The following XPNPEP1 variants were observed in gnomAD, a reference collection of about 807,000 sequenced individuals.
XPNPEP1 encodes the protein X-prolyl aminopeptidase 1.
In XPNPEP1, 39 loss-of-function variants were observed where a neutral mutation model predicts 92.4. The observed-to-expected ratio is 0.42, with a 90% CI of 0.33 to 0.55. The LOEUF is 0.55. XPNPEP1 is among the 20% of genes least tolerant of loss of function. XPNPEP1 has a pLI of 0.08. For missense variants in XPNPEP1, 654 were observed against 856.1 expected (o/e 0.76, Z 2.95); for synonymous variants, 307 against 299.4 (o/e 1.03, Z -0.26).
rs573088651 is a variant in XPNPEP1, at chr10:109,919,590, T to C, written c.32+3812A>G. On this transcript the variant is annotated intron_variant, in intron 1 of 20. Coordinates refer to ENST00000502935, the MANE Select transcript of XPNPEP1 (RefSeq NM_020383.4). ...ATTCCTAGGTACACAATCAAGAAAA[T>C]TGAAAATATATATCCTTATAAAAAG... Among the ~76,000 whole-genome samples the C allele has an allele frequency of 1.9e-4, 29 of 152,090 alleles. 1 individual carries two copies. Among genetic ancestry groups the C allele is most frequent in the Admixed American group, 5.2e-4 (8 of 15,286 alleles).
chr10:109,886,297 C>T lies in XPNPEP1; in HGVS notation c.697G>A (p.Ala233Thr). The T allele has an allele frequency of 6.2e-7, 1 of 1,614,212 alleles. No homozygotes were observed. The highest frequency in any genetic ancestry group is 1.6e-4 in the Middle Eastern group (1 of 6,062). The change falls in exon 8 of 21, where the codon GCT (alanine) becomes ACT (threonine). Residue 233 changes from alanine to threonine, a missense_variant. Transcript: ENST00000502935. ...ACAAACCACATGACGTTCCTCTCAG[C>T]CATTTTCAACCGAAGGTCTGCAACC... ...DKVADLRLKM[A>T]ERNVMWFVVT...
In XPNPEP1 at chr10:109,893,076, C is replaced by A; in HGVS notation, c.247-1G>T. On this transcript the variant is annotated splice_acceptor_variant, in intron 3 of 20. Coordinates refer to ENST00000502935, the MANE Select transcript of XPNPEP1 (RefSeq NM_020383.4). LOFTEE classifies it high-confidence loss of function. ...AGTCACATGGAGCAATATACTCACT[C>A]TGGAAAACAAAGATGACAACAAAGT... The A allele has an allele frequency of 6.2e-7, 1 of 1,613,382 alleles. No individual in the cohort carries two copies. The highest frequency in any genetic ancestry group is 1.3e-5 in the African/African-American group (1 of 75,032).
intron 20 of XPNPEP1, 148 bp downstream of exon 20, chr10:109,868,466 A>C: frequency 1.5e-6 from 1 of 683,048 alleles, no homozygotes; most frequent in Non-Finnish European, 2.4e-6. Flanking sequence ...TAGGGCTTTC[A>C]GACTCAACTG....
intron 1 of XPNPEP1, chr10:109,923,117 C>G: frequency 1.0e-6 from 1 of 969,000 alleles, no homozygotes; most frequent in Non-Finnish European, 1.2e-6. Context: ...CGGCCGCCGC[C>G]CCCTCAGGCC....
chr10:109,876,752 T>C (rs1039483301), intron 14 of XPNPEP1: 2 of 152,214 alleles, frequency 1.3e-5, no homozygotes, highest in African/African-American at 4.8e-5. Context: ...TGGCTGTGCA[T>C]GTAACAGATG....
At chr10:109,916,463 C>T (rs1418195963) in intron 1 of XPNPEP1, among the ~76,000 whole-genome samples, 1 of 152,206 alleles carries the variant, frequency 6.6e-6, no homozygotes, top group Non-Finnish European at 1.5e-5. Context: ...GAATTTTACT[C>T]AGCTATGAAC....
At chr10:109,909,891 A>G (rs1849768681) in intron 2 of XPNPEP1, among the ~76,000 whole-genome samples, 1 of 152,156 alleles carries the variant, frequency 6.6e-6, no homozygotes, top group Admixed American at 6.5e-5. Context: ...GCCCCCTGCC[A>G]CTATCTGCAT....
chr10:109,899,996 C>T (rs567580359), intron 3 of XPNPEP1, among the ~76,000 whole-genome samples: 2 of 152,290 alleles, frequency 1.3e-5, no homozygotes, highest in South Asian at 4.1e-4. Context: ...CTATAAAAGT[C>T]CCCCAGGGCC....
chr10:109,893,941 C>G (rs1848839534), intron 3 of XPNPEP1: 1 of 152,250 alleles, frequency 6.6e-6, no homozygotes. Flanking sequence ...CCTCATCACT[C>G]TCTAGGATAA....
At position 109,873,361 on chromosome 10, in the gene XPNPEP1, C is replaced by T. The variant is rs1320703588; in HGVS notation, c.1452+6G>A. 6.8e-6 allele frequency: 11 copies of T among 1,614,068 alleles called. No individual in the cohort carries two copies. Among genetic ancestry groups the T allele is most frequent in the South Asian group, 1.1e-5 (1 of 91,082 alleles). On this transcript the variant is annotated splice_donor_region_variant and intron_variant, in intron 16 of 20. Transcript: ENST00000502935. ...GGACCTCTTGAGTTTTTTACCTCCA[C>T]CTTACCTTCTCGTAGGCTGTAGGGG...
intron 3 of XPNPEP1, among the ~76,000 whole-genome samples, chr10:109,901,069 G>T (rs1223040749): frequency 6.6e-6 from 1 of 152,122 alleles, no homozygotes; most frequent in Non-Finnish European, 1.5e-5. Context: ...TTCAGAAAAT[G>T]TGGCACATAT....
intron 7 of XPNPEP1, among the ~76,000 whole-genome samples, chr10:109,887,317 A>G (rs1451325600): frequency 6.6e-6 from 1 of 152,186 alleles, no homozygotes. Flanking sequence ...GTCACACAAG[A>G]AAGCAGGCTG....
chr10:109,897,489 T>C (rs1167420538), intron 3 of XPNPEP1, among the ~76,000 whole-genome samples: 1 of 152,186 alleles, frequency 6.6e-6, no homozygotes, highest in Non-Finnish European at 1.5e-5. Flanking sequence ...CAACACCTAC[T>C]AGTCAATAAC....
chr10:109,878,116 A>G, intron 12 of XPNPEP1, 58 bp from the exon 13 acceptor site: 1 of 1,591,706 alleles, frequency 6.3e-7, no homozygotes, highest in Admixed American at 1.7e-5. Flanking sequence ...TGCCTCTTAC[A>G]AATTAGAGGA....
chr10:109,888,461 G>C, intron 6 of XPNPEP1, 42 bp downstream of exon 6: 1 of 1,556,514 alleles, frequency 6.4e-7, no homozygotes. Flanking sequence ...GAATCTAGAA[G>C]CCACTTCCTT....
chr10:109,909,252 C>CAG (rs1456267724), intron 2 of XPNPEP1, among the ~76,000 whole-genome samples: 1 of 151,262 alleles, frequency 6.6e-6, no homozygotes, highest in Non-Finnish European at 1.5e-5. Context: ...GCCTGGGCAA[C>CAG]AGAGTGAGAC....
chr10:109,910,665 T>G lies in XPNPEP1; in HGVS notation c.122-2850A>C, dbSNP rs941544414. Reference sequence around the variant, plus strand: ...GTCTGGATGTACCACCATTTATCCATTCACCTGCTGAGGGACATATTGGTT... The same window carrying G: ...GTCTGGATGTACCACCATTTATCCAGTCACCTGCTGAGGGACATATTGGTT... On this transcript the variant is annotated intron_variant, in intron 2 of 20. Coordinates refer to ENST00000502935, the MANE Select transcript of XPNPEP1 (RefSeq NM_020383.4). 5.3e-5 allele frequency among the ~76,000 whole-genome samples: 8 copies of G among 152,202 alleles called. 1 individual carries two copies. The highest frequency in any genetic ancestry group is 1.9e-4 in the African/African-American group (8 of 41,460).
In XPNPEP1 at chr10:109,886,273, C is replaced by A. The variant is rs530030165; in HGVS notation, c.721G>T (p.Val241Leu). ...KMAERNVMWF[V>L]VTALDEIAWL... ...GCAATCTCATCCAAGGCAGTGACCACAAACCACATGACGTTCCTCTCAGCC... is the reference window on the plus strand; with the variant it reads ...GCAATCTCATCCAAGGCAGTGACCAAAAACCACATGACGTTCCTCTCAGCC... The change falls in exon 8 of 21, where the codon GTG becomes TTG. Residue 241 changes from valine to leucine, a missense_variant. By Grantham distance (32) the Val-to-Leu change is conservative. Transcript: ENST00000502935. 4 of 1,614,210 alleles carry A rather than the reference C, an allele frequency of 2.5e-6. No homozygotes were observed. In the East Asian group the frequency reaches 6.7e-5, roughly 27 times the overall value.
chr10:109,873,833 A>C (rs1847622693), intron 15 of XPNPEP1, among the ~76,000 whole-genome samples: 1 of 152,240 alleles, frequency 6.6e-6, no homozygotes, highest in Non-Finnish European at 1.5e-5. Flanking sequence ...ACATGCTGCA[A>C]CATGGATGAA....
Sources: allele counts gnomAD v4.1 joint callset (sites outside exome capture counted in the v4.1 genomes callset), GRCh38; gene constraint gnomAD v4.1.1; transcripts MANE v1.5; gene names NCBI Gene and HGNC (gene_info 2026-07-23, HGNC 2026-07-21).